The following PINX1 variants were observed in gnomAD, a reference collection of about 807,000 sequenced individuals.
The protein encoded by PINX1 is PIN2/TERF1-interacting telomerase inhibitor 1.
PINX1 carries 34 observed loss-of-function variants against 25.4 expected under a neutral mutation model. The ratio of observed to expected loss-of-function variants is 1.34; its 90% confidence interval spans 1.02 to 1.78. The LOEUF (loss-of-function observed/expected upper bound fraction) is 1.78, where lower values mean the gene tolerates loss of function less well. Among genes scored for constraint, PINX1 ranks in the 40% most tolerant of loss-of-function variants. The pLI is 0.00. For missense variants in PINX1, 592 were observed against 404.9 expected, an observed-to-expected ratio of 1.46 and a Z score of -3.97; for synonymous variants, 197 against 147.7, an observed-to-expected ratio of 1.33 and a Z score of -2.42.
chr8:10,821,373 A>C lies in PINX1; in HGVS notation c.395-1104T>G, dbSNP rs77887497. On this transcript the variant is annotated intron_variant, in intron 5 of 6. Coordinates refer to ENST00000314787, the MANE Select transcript of PINX1 (RefSeq NM_017884.6). Reference sequence around the variant, plus strand: ...TAATGCAAAACCAGGTGCCAAAACCAGTTTCCTAGGCAGCAGTACCAGATG... The same window carrying C: ...TAATGCAAAACCAGGTGCCAAAACCCGTTTCCTAGGCAGCAGTACCAGATG... 1.4e-3 allele frequency among the ~76,000 whole-genome samples: 211 copies of C among 152,374 alleles called. 1 individual carries two copies. Among genetic ancestry groups the C allele is most frequent in the African/African-American group, 4.9e-3 (204 of 41,584 alleles).
At chr8:10,803,324 C>G (rs1802328837) in intron 6 of PINX1, among the ~76,000 whole-genome samples, 1 of 152,176 alleles carries the variant, frequency 6.6e-6, no homozygotes, top group South Asian at 2.1e-4. Context: ...TCTAATCAAA[C>G]AGACAATAAT....
chr8:10,792,051 A>T (rs1239708738), intron 6 of PINX1, among the ~76,000 whole-genome samples: 7 of 152,152 alleles, frequency 4.6e-5, no homozygotes, highest in South Asian at 2.1e-4. Context: ...CAGCAAGGGT[A>T]GCGCTGGAGC....
intron 6 of PINX1, among the ~76,000 whole-genome samples, chr8:10,784,927 C>T (rs73662624): frequency 2.6e-5 from 4 of 152,144 alleles, no homozygotes; most frequent in Admixed American, 1.3e-4. Flanking sequence ...GCCCGCTGTT[C>T]GAAGACATGC....
intron 1 of PINX1, among the ~76,000 whole-genome samples, chr8:10,838,748 C>A (rs1474776606): frequency 1.3e-5 from 2 of 152,208 alleles, no homozygotes; most frequent in Non-Finnish European, 2.9e-5. Flanking sequence ...GCTGGTCTTA[C>A]TGGCAAGAAC....
chr8:10,820,299 A>G lies in PINX1; in HGVS notation c.395-30T>C, dbSNP rs773302111. ...AAAAACAATGTGATGCTTTTCAGTA[A>G]GACTGTTCTTCCTAAAAGAAAGAGC... On this transcript the variant is annotated intron_variant, in intron 5 of 6. Coordinates refer to ENST00000314787, the MANE Select transcript of PINX1 (RefSeq NM_017884.6). 58 of 1,470,666 alleles carry G rather than the reference A, an allele frequency of 3.9e-5. No homozygotes were observed. The South Asian group carries it at 6.3e-4, about 16-fold the overall frequency. The allele number at this position is 1,470,666 out of a possible 1,614,324, so 91.1% of individuals were successfully genotyped here. A position where few individuals can be genotyped will look rare whatever the true frequency, so the allele number is the denominator to read the frequency against.
chr8:10,838,086 C>T (rs1410939320), intron 1 of PINX1, among the ~76,000 whole-genome samples: 2 of 152,222 alleles, frequency 1.3e-5, no homozygotes, highest in African/African-American at 4.8e-5. Context: ...ACCTCACTTC[C>T]GTTTACTGTC....
chr8:10,806,328 G>C (rs1802451335), intron 6 of PINX1, among the ~76,000 whole-genome samples: 1 of 152,206 alleles, frequency 6.6e-6, no homozygotes, highest in Non-Finnish European at 1.5e-5. Flanking sequence ...GTGTGGGGGA[G>C]AGGTCTCCAT....
intron 6 of PINX1, among the ~76,000 whole-genome samples, chr8:10,814,998 G>A (rs1001500402): frequency 6.6e-6 from 1 of 152,146 alleles, no homozygotes; most frequent in Non-Finnish European, 1.5e-5. Flanking sequence ...GGAGTGCGAT[G>A]GCGTGATGAT....
At chr8:10,804,458 C>G (rs1052230526) in intron 6 of PINX1, among the ~76,000 whole-genome samples, 3 of 152,076 alleles carry the variant, frequency 2.0e-5, no homozygotes, top group African/African-American at 7.2e-5. Context: ...AGCAGATTAG[C>G]GTGAGCTGGG....
At chr8:10,816,544 C>T (rs1797701609) in intron 6 of PINX1, among the ~76,000 whole-genome samples, 1 of 152,228 alleles carries the variant, frequency 6.6e-6, no homozygotes, top group South Asian at 2.1e-4. Context: ...GCCTGGACAC[C>T]TGGTCACATG....
At chr8:10,818,532 C>T (rs1325138936) in intron 6 of PINX1, among the ~76,000 whole-genome samples, 1 of 152,158 alleles carries the variant, frequency 6.6e-6, no homozygotes, top group East Asian at 1.9e-4. Context: ...CATTTCCCTC[C>T]CTGATCTGTT....
intron 6 of PINX1, among the ~76,000 whole-genome samples, chr8:10,813,176 C>A (rs1249849513): frequency 6.6e-6 from 1 of 152,112 alleles, no homozygotes; most frequent in African/African-American, 2.4e-5. Context: ...ATAGTTCTCC[C>A]TAACTACAAG....
At chr8:10,837,375 G>A (rs1002077218) in intron 1 of PINX1, among the ~76,000 whole-genome samples, 3 of 152,218 alleles carry the variant, frequency 2.0e-5, no homozygotes, top group African/African-American at 7.2e-5. Flanking sequence ...GCCTGGCTTA[G>A]CCTGGACTTT....
intron 4 of PINX1, among the ~76,000 whole-genome samples, chr8:10,829,941 C>T (rs1250538354): frequency 6.6e-6 from 1 of 152,204 alleles, no homozygotes; most frequent in African/African-American, 2.4e-5. Context: ...GCCTCAGCCT[C>T]CCAAAGTGCT....
intron 6 of PINX1, among the ~76,000 whole-genome samples, chr8:10,792,494 G>C (rs946107336): frequency 6.6e-6 from 1 of 152,046 alleles, no homozygotes; most frequent in Non-Finnish European, 1.5e-5. Context: ...GGGACAGACT[G>C]TGCCTCTTCT....
chr8:10,807,443 G>C (rs973466066), intron 6 of PINX1, among the ~76,000 whole-genome samples: 1 of 148,956 alleles, frequency 6.7e-6, no homozygotes, highest in African/African-American at 2.5e-5. Flanking sequence ...CAAAACAGAG[G>C]GGAAAAAATT....
intron 6 of PINX1, among the ~76,000 whole-genome samples, chr8:10,773,613 A>T (rs1355697065): frequency 6.6e-6 from 1 of 152,226 alleles, no homozygotes; most frequent in Non-Finnish European, 1.5e-5. Flanking sequence ...AATTCCTCAT[A>T]TGAAGGCCAA....
At position 10,820,473 on chromosome 8, in the gene PINX1, T is replaced by A. The variant is rs181490117; in HGVS notation, c.395-204A>T. The stretch of plus-strand genomic sequence containing the variant: ...ATTAAATTTTAAAACCAAGTAAATG[T>A]TTTAGAACCAGAACTCTTGACATTC... On this transcript the variant is annotated intron_variant, in intron 5 of 6. Coordinates refer to ENST00000314787, the MANE Select transcript of PINX1 (RefSeq NM_017884.6). 5.2e-4 allele frequency among the ~76,000 whole-genome samples: 79 copies of A among 152,320 alleles called. No individual in the cohort carries two copies. In the Middle Eastern group the frequency reaches 0.01, roughly 20 times the overall value.
chr8:10,817,678 T>G (rs7814757), intron 6 of PINX1, among the ~76,000 whole-genome samples: 1 of 152,044 alleles, frequency 6.6e-6, no homozygotes. Context: ...TCAGCAGCAG[T>G]ATCACCTGGG....
Sources: allele counts gnomAD v4.1 joint callset (sites outside exome capture counted in the v4.1 genomes callset), GRCh38; gene constraint gnomAD v4.1.1; transcripts MANE v1.5; gene names NCBI Gene and HGNC (gene_info 2026-07-23, HGNC 2026-07-21).